SORBS2: variants seen among roughly 807,000 people sequenced by gnomAD.
SORBS2 encodes sorbin and SH3 domain containing 2.
In SORBS2, 46 loss-of-function variants were observed where a neutral mutation model predicts 97.7. The observed-to-expected ratio is 0.47, with a 90% confidence interval of 0.37 to 0.60. The LOEUF is 0.60. Among genes scored for constraint, SORBS2 ranks in the 20% least tolerant of loss-of-function variants. SORBS2 has a pLI of 0.00. For synonymous variants in SORBS2, 476 were observed against 473.4 expected (o/e 1.01, Z -0.07); for missense variants, 1,316 against 1,282.3 (o/e 1.03, Z -0.40).
chr4:185,947,930 G>C (rs1561328877), intron 1 of SORBS2, among the ~76,000 whole-genome samples: 1 of 152,132 alleles, frequency 6.6e-6, no homozygotes, highest in African/African-American at 2.4e-5. Context: ...TTTTTTAAAG[G>C]AAGTTCAAAT....
chr4:185,821,211 C>T (rs1207881994), intron 1 of SORBS2, among the ~76,000 whole-genome samples: 5 of 152,182 alleles, frequency 3.3e-5, no homozygotes, highest in Admixed American at 6.5e-5. Context: ...GAGGAGTTCG[C>T]CTGCCTGGGA....
intron 1 of SORBS2, among the ~76,000 whole-genome samples, chr4:185,940,506 C>T (rs2099271432): frequency 6.6e-6 from 1 of 152,188 alleles, no homozygotes; most frequent in African/African-American, 2.4e-5. Context: ...TCTCACTGGA[C>T]TTGCATTCCG....
At chr4:185,931,571 T>C (rs1160810377) in intron 1 of SORBS2, among the ~76,000 whole-genome samples, 2 of 152,078 alleles carry the variant, frequency 1.3e-5, no homozygotes, top group East Asian at 1.9e-4. Flanking sequence ...AATAATCTTG[T>C]TGAAGGCAGG....
At chr4:185,705,634 C>T (rs4861675) in intron 2 of SORBS2, among the ~76,000 whole-genome samples, 109,590 of 152,150 alleles carry the variant, frequency 0.72, 41,743 homozygotes, top group Non-Finnish European at 0.86. Context: ...GGGGGTTTTC[C>T]GTTTTTTCAC....
intron 1 of SORBS2, among the ~76,000 whole-genome samples, chr4:185,896,075 G>T (rs1176850543): frequency 6.6e-6 from 1 of 152,104 alleles, no homozygotes; most frequent in Non-Finnish European, 1.5e-5. Context: ...GCCAAAAAAA[G>T]CTCCGGATTA....
At chr4:185,822,947 G>A (rs1284967552) in intron 1 of SORBS2, among the ~76,000 whole-genome samples, 1 of 152,224 alleles carries the variant, frequency 6.6e-6, no homozygotes, top group Admixed American at 6.5e-5. Flanking sequence ...AAATTAAGCT[G>A]AAAGCTGAGT....
chr4:185,802,077 T>C (rs1169832286), intron 1 of SORBS2, among the ~76,000 whole-genome samples: 1 of 152,246 alleles, frequency 6.6e-6, no homozygotes, highest in Admixed American at 6.5e-5. Flanking sequence ...AATCCATCTT[T>C]CCCGATCCTC....
rs9990488 is a variant in SORBS2 at position 185,862,217 on chromosome 4, T to C, written c.-337-86851A>G. Among the ~76,000 whole-genome samples the C allele has an allele frequency of 3.0e-3, 461 of 152,154 alleles. 6 individuals carry two copies. Among genetic ancestry groups the C allele is most frequent in the African/African-American group, 0.011 (437 of 41,522 alleles). On this transcript the variant is annotated intron_variant, in intron 1 of 20. Coordinates refer to the SORBS2 transcript ENST00000284776. The stretch of plus-strand genomic sequence containing the variant: ...AACAGCAACAGGGGGACCCAGTAGG[T>C]GTTGGGCCGTGACTACAGATCCGGT...
rs537195530 is a variant in SORBS2 at position 185,848,618 on chromosome 4, CTTTTTTTTTTTTTT to C, written c.-337-73266_-337-73253del. Among the ~76,000 whole-genome samples the C allele has an allele frequency of 6.6e-4, 50 of 75,634 alleles. 1 individual carries two copies. Among genetic ancestry groups the C allele is most frequent in the Non-Finnish European group, 8.2e-4 (35 of 42,612 alleles). 49.6% of individuals were successfully genotyped at this position (75,634 alleles called of 152,430 possible). The stretch of plus-strand genomic sequence containing the variant: ...TTAAATGTTCTTTATAAGGATATCT[CTTTTTTTTTTTTTT>C]TTTTTTTTTTTTTTTTTTTTTTTTT... On this transcript the variant is annotated intron_variant, in intron 1 of 20. Transcript: ENST00000284776.
At chr4:185,798,928 C>T (rs2099118248) in intron 1 of SORBS2, among the ~76,000 whole-genome samples, 1 of 150,788 alleles carries the variant, frequency 6.6e-6, no homozygotes, top group Admixed American at 6.7e-5. Flanking sequence ...GCCTGATCCA[C>T]CCAGAAGCCT....
In SORBS2 at chr4:185,651,816, T is replaced by G. The variant is rs751624595; in HGVS notation, c.91+846A>C. ...GTATGTATAAGGAGTATTATACATG[T>G]CTGTGTCATCATCTAGAAAATGAAA... is the stretch of plus-strand genomic sequence containing the variant. On this transcript the variant is annotated intron_variant, in intron 2 of 14. Coordinates refer to ENST00000418609, the Ensembl canonical transcript of SORBS2. 8 of 1,483,560 alleles carry G rather than the reference T, an allele frequency of 5.4e-6. No individual in the cohort carries two copies. The highest frequency in any genetic ancestry group is 1.2e-5 in the South Asian group (1 of 86,342). The allele number at this position is 1,483,560 out of a possible 1,614,324, so 91.9% of individuals were successfully genotyped here. A position where few individuals can be genotyped will look rare whatever the true frequency, so the allele number is the denominator to read the frequency against.
At chr4:185,840,942 G>A (rs777952115) in intron 1 of SORBS2, among the ~76,000 whole-genome samples, 37 of 152,110 alleles carry the variant, frequency 2.4e-4, no homozygotes. Context: ...AAGAGGGAGG[G>A]GAGGGAGAGG....
At chr4:185,812,487 T>C (rs1400867414) in intron 1 of SORBS2, among the ~76,000 whole-genome samples, 2 of 152,250 alleles carry the variant, frequency 1.3e-5, no homozygotes, top group Admixed American at 1.3e-4. Flanking sequence ...CGGGGCTATG[T>C]ATGAAATCGA....
intron 1 of SORBS2, among the ~76,000 whole-genome samples, chr4:185,836,332 C>G (rs2153675343): frequency 6.6e-6 from 1 of 152,208 alleles, no homozygotes; most frequent in East Asian, 1.9e-4. Flanking sequence ...CTGCTCAAAG[C>G]AGCAGCTACT....
At chr4:185,895,359 C>A (rs903889369) in intron 1 of SORBS2, among the ~76,000 whole-genome samples, 14 of 152,228 alleles carry the variant, frequency 9.2e-5, no homozygotes, top group Admixed American at 7.8e-4. Context: ...ACACAGAATC[C>A]AAGAAGACCA....
At chr4:185,694,092 G>T (rs2098136386) in intron 2 of SORBS2, among the ~76,000 whole-genome samples, 2 of 152,182 alleles carry the variant, frequency 1.3e-5, no homozygotes, top group Admixed American at 1.3e-4. Context: ...AAGGCTTCTT[G>T]GGTGACTAAT....
rs144334277 is a variant in SORBS2 at position 185,640,312 on chromosome 4, C to G, written c.396+6356G>C. On this transcript the variant is annotated intron_variant, in intron 4 of 14. Transcript: ENST00000418609. Reference sequence around the variant, plus strand: ...TACAAAGGTATTACAAAGCTTGTCTCTGCATGAACACAGTAAAGAAGTCAC... The same window carrying G: ...TACAAAGGTATTACAAAGCTTGTCTGTGCATGAACACAGTAAAGAAGTCAC... Among the ~76,000 whole-genome samples, 364 of 152,306 alleles carry G rather than the reference C, an allele frequency of 2.4e-3. 3 individuals are homozygous for G. The highest frequency in any genetic ancestry group is 5.2e-3 in the Admixed American group (79 of 15,294).
chr4:185,683,314 T>C (rs1379195550), intron 2 of SORBS2, among the ~76,000 whole-genome samples: 1 of 152,188 alleles, frequency 6.6e-6, no homozygotes, highest in East Asian at 1.9e-4. Flanking sequence ...TGTAGTTCAG[T>C]TTCGACTCTC....
chr4:185,649,735 C>G (rs993800995), intron 2 of SORBS2, 79 bp from the exon 12 acceptor site: 7 of 907,076 alleles, frequency 7.7e-6, no homozygotes, highest in African/African-American at 1.7e-5. Flanking sequence ...ATTTGTCCCC[C>G]TCAAAATAGC....
Sources: allele counts gnomAD v4.1 joint callset (sites outside exome capture counted in the v4.1 genomes callset), GRCh38; gene constraint gnomAD v4.1.1; transcripts MANE v1.5; gene names NCBI Gene and HGNC (gene_info 2026-07-23, HGNC 2026-07-21).